Variants in MCTP2 observed in about 807,000 individuals in gnomAD.
MCTP2 encodes multiple C2 and transmembrane domain-containing protein 2.
MCTP2 carries 132 observed loss-of-function variants against 111.6 expected under a neutral mutation model. That is an observed-to-expected ratio of 1.18 (90% CI 1.03 to 1.37). The LOEUF is 1.37. MCTP2 is among the 40% of genes most tolerant of loss of function. MCTP2 has a pLI of 0.00. For missense variants in MCTP2, 1,183 were observed against 1,067.9 expected (o/e 1.11, Z -1.50); for synonymous variants, 395 against 387.7 (o/e 1.02, Z -0.22).
rs755280601 is a variant in MCTP2, at chr15:94,367,765, G to A, written c.1462G>A (p.Glu488Lys). 3.1e-6 allele frequency: 5 copies of A among 1,603,968 alleles called. No individual in the cohort carries two copies. Among genetic ancestry groups the A allele is most frequent in the Admixed American group, 1.7e-5 (1 of 58,482 alleles). ...LCVCPLADLS[E>K]RKQITQRYCL... ...TGTCTGCCCCTTAGCAGACCTCAGCGAAAGAAAGCAGATTACCCAGCGATA... is the reference window on the plus strand; with the variant it reads ...TGTCTGCCCCTTAGCAGACCTCAGCAAAAGAAAGCAGATTACCCAGCGATA... Residue 488 changes from glutamate to lysine, a missense_variant, in exon 11 of 23, where the codon GAA becomes AAA. Physicochemically the swap from Glu to Lys is moderately conservative, Grantham distance 56. Transcript: ENST00000357742.
intron 20 of MCTP2, among the ~76,000 whole-genome samples, chr15:94,466,463 C>T (rs765710013): frequency 2.0e-5 from 3 of 152,140 alleles, no homozygotes; most frequent in Non-Finnish European, 4.4e-5. Context: ...TCAAGCAACA[C>T]TGGTAGCATA....
intron 1 of MCTP2, among the ~76,000 whole-genome samples, chr15:94,243,792 T>C (rs552148006): frequency 3.4e-5 from 5 of 148,318 alleles, no homozygotes; most frequent in African/African-American, 7.4e-5. Flanking sequence ...TATATGTATA[T>C]ACACATATGC....
intron 1 of MCTP2, among the ~76,000 whole-genome samples, chr15:94,257,746 C>G (rs915472168): frequency 3.3e-5 from 5 of 151,014 alleles, no homozygotes; most frequent in African/African-American, 1.2e-4. Flanking sequence ...GCCACCATGC[C>G]CAGCTAATTT....
chr15:94,315,300 A>G (rs1053436132), intron 3 of MCTP2, among the ~76,000 whole-genome samples: 22 of 152,206 alleles, frequency 1.4e-4, no homozygotes, highest in African/African-American at 5.3e-4. Flanking sequence ...CCTTGCAAAG[A>G]TGTAATCATA....
intron 1 of MCTP2, among the ~76,000 whole-genome samples, chr15:94,243,006 C>CAT (rs770552900): frequency 6.5e-5 from 4 of 62,000 alleles, no homozygotes; most frequent in Non-Finnish European, 1.0e-4. Flanking sequence ...TGTATCTACA[C>CAT]ATACACGTGT....
intron 8 of MCTP2, among the ~76,000 whole-genome samples, chr15:94,352,464 G>A (rs1361442697): frequency 6.6e-6 from 1 of 152,156 alleles, no homozygotes; most frequent in East Asian, 1.9e-4. Flanking sequence ...ATCAACATAG[G>A]AATAGCGAAA....
At chr15:94,253,105 C>T (rs923473233) in intron 1 of MCTP2, among the ~76,000 whole-genome samples, 2 of 152,156 alleles carry the variant, frequency 1.3e-5, no homozygotes, top group Non-Finnish European at 2.9e-5. Context: ...CTTCCTCTCT[C>T]TTTCCTCTGT....
At chr15:94,317,102 TTTG>T (rs747443402) in intron 4 of MCTP2, among the ~76,000 whole-genome samples, 9 of 152,214 alleles carry the variant, frequency 5.9e-5, no homozygotes, top group Non-Finnish European at 1.2e-4. Flanking sequence ...TATAACCTAT[TTTG>T]TTTGACAATC....
chr15:94,456,054 T>C (rs2084816908), intron 19 of MCTP2, among the ~76,000 whole-genome samples: 1 of 152,204 alleles, frequency 6.6e-6, no homozygotes, highest in South Asian at 2.1e-4. Context: ...GGAATAGTTT[T>C]ATAGGTCCAA....
chr15:94,233,461 TCTC>T (rs1401409147), intron 1 of MCTP2, among the ~76,000 whole-genome samples: 2 of 152,162 alleles, frequency 1.3e-5, no homozygotes. Flanking sequence ...TTTACTATGG[TCTC>T]CTCCTGCAGA....
intron 4 of MCTP2, among the ~76,000 whole-genome samples, chr15:94,321,728 A>T (rs1344246179): frequency 6.6e-6 from 1 of 152,210 alleles, no homozygotes; most frequent in Non-Finnish European, 1.5e-5. Flanking sequence ...CCAACCCCTC[A>T]TGCAGTCAGA....
At position 94,273,222 on chromosome 15, in the gene MCTP2, A is replaced by G. The variant is rs148812963; in HGVS notation, c.-65-24979A>G. On this transcript the variant is annotated intron_variant, in intron 1 of 22. Coordinates refer to ENST00000357742, the MANE Select transcript of MCTP2 (RefSeq NM_001385001.1). ...AATCAAAAGCACATAGATCTAAACA[A>G]CACAGCCAAACACCTTTCACTAAAT... 1.2e-3 allele frequency among the ~76,000 whole-genome samples: 177 copies of G among 152,336 alleles called. 3 individuals carry two copies. The highest frequency in any genetic ancestry group is 4.1e-3 in the African/African-American group (169 of 41,578).
At chr15:94,272,210 A>ATTT (rs61389976) in intron 1 of MCTP2, among the ~76,000 whole-genome samples, 3,396 of 152,148 alleles carry the variant, frequency 0.022, 124 homozygotes, top group African/African-American at 0.077. Flanking sequence ...GGCTAAGACA[A>ATTT]TTTTTTTTAT....
At chr15:94,445,535 A>G (rs1374923749) in intron 19 of MCTP2, among the ~76,000 whole-genome samples, 1 of 152,140 alleles carries the variant, frequency 6.6e-6, no homozygotes, top group Non-Finnish European at 1.5e-5. Context: ...AGGGATCTTC[A>G]ACTTTCAGAC....
rs865837224 is a variant in MCTP2, at chr15:94,390,075, T to C, written c.1788+4550T>C. ...ATATATATATATATATATATATATA[T>C]ATATATATATATATGTATATATATA... On this transcript the variant is annotated intron_variant, in intron 14 of 22. Coordinates refer to ENST00000357742, the MANE Select transcript of MCTP2 (RefSeq NM_001385001.1). 3.0e-3 allele frequency among the ~76,000 whole-genome samples: 32 copies of C among 10,630 alleles called. 1 individual carries two copies. The highest frequency in any genetic ancestry group is 0.021 in the East Asian group (3 of 144). The allele number at this position is 10,630 out of a possible 152,430, so 7.0% of individuals were successfully genotyped here. A position where few individuals can be genotyped will look rare whatever the true frequency, so the allele number is the denominator to read the frequency against.
intron 19 of MCTP2, among the ~76,000 whole-genome samples, chr15:94,446,321 C>A (rs1487073393): frequency 6.6e-6 from 1 of 152,170 alleles, no homozygotes; most frequent in African/African-American, 2.4e-5. Flanking sequence ...GTCTAGTTTT[C>A]TAGAGACTCC....
chr15:94,367,914 T>C, intron 11 of MCTP2, 123 bp downstream of exon 11: 1 of 810,446 alleles, frequency 1.2e-6, no homozygotes, highest in Non-Finnish European at 1.8e-6. Context: ...GTCCCAAGTT[T>C]CCTTGTACGT....
At chr15:94,249,108 T>C (rs1403963953) in intron 1 of MCTP2, among the ~76,000 whole-genome samples, 2 of 152,194 alleles carry the variant, frequency 1.3e-5, no homozygotes, top group Non-Finnish European at 2.9e-5. Context: ...TAATATTTTA[T>C]TACACATAAG....
At chr15:94,363,148 C>T (rs977474441) in intron 10 of MCTP2, among the ~76,000 whole-genome samples, 2 of 152,134 alleles carry the variant, frequency 1.3e-5, no homozygotes, top group Non-Finnish European at 2.9e-5. Flanking sequence ...AGTTTTGTTA[C>T]GGCGCTGACA....
Sources: allele counts gnomAD v4.1 joint callset (sites outside exome capture counted in the v4.1 genomes callset), GRCh38; gene constraint gnomAD v4.1.1; transcripts MANE v1.5; gene names NCBI Gene and HGNC (gene_info 2026-07-23, HGNC 2026-07-21).